The following NXF1 variants were observed in gnomAD, a reference collection of about 807,000 sequenced individuals.
The protein encoded by NXF1 is nuclear RNA export factor 1.
NXF1 carries 43 observed loss-of-function variants against 92.4 expected under a neutral mutation model. The observed-to-expected ratio is 0.47, with a 90% CI of 0.36 to 0.60. NXF1 has a LOEUF of 0.60. Among genes scored for constraint, NXF1 ranks in the 20% least tolerant of loss-of-function variants. The pLI is 0.00. For synonymous variants in NXF1, 288 were observed against 292.2 expected, an observed-to-expected ratio of 0.99 and a Z score of 0.15; for missense variants, 576 against 793.0, an observed-to-expected ratio of 0.73 and a Z score of 3.29.
rs2084371525 is a variant in NXF1 at position 62,792,209 on chromosome 11, T to C, written c.*267A>G. On this transcript the variant is annotated 3_prime_UTR_variant, in exon 21 of 21. Coordinates refer to ENST00000294172, the MANE Select transcript of NXF1 (RefSeq NM_006362.5). The stretch of plus-strand genomic sequence containing the variant: ...TTTATATTAAAAAGTAAGGAGGTCC[T>C]GGGGTTAAGTACACAAAGCACCTAA... 6.2e-6 allele frequency: 4 copies of C among 646,810 alleles called. No individual in the cohort carries two copies. Among genetic ancestry groups the C allele is most frequent in the Non-Finnish European group, 1.1e-5 (4 of 374,072 alleles). 40.1% of individuals were successfully genotyped at this position (646,810 alleles called of 1,614,324 possible).
Position 62,805,433 on chromosome 11 carries a change from AC to A in NXF1, c.-78del. ...ACAACCTAACTCCCAAGCGCTCAGG[AC>A]CGAAGTGTCCCTACGCCGGGCGCCA... On this transcript the variant is annotated 5_prime_UTR_variant, in exon 1 of 21. Coordinates refer to ENST00000294172, the MANE Select transcript of NXF1 (RefSeq NM_006362.5). 6.3e-7 allele frequency: 1 copy of A among 1,596,824 alleles called. No individual in the cohort carries two copies. Among genetic ancestry groups the A allele is most frequent in the South Asian group, 1.1e-5 (1 of 88,432 alleles).
intron 11 of NXF1, 82 bp downstream of exon 11, chr11:62,798,453 AAAAG>A (rs1390227779): frequency 7.1e-6 from 11 of 1,550,690 alleles, no homozygotes; most frequent in Middle Eastern, 1.7e-4. Context: ...AAAAAAAAGA[AAAAG>A]AAAAAGAAAA....
In NXF1 at chr11:62,800,360, C is replaced by T; in HGVS notation, c.1016+17G>A. On this transcript the variant is annotated intron_variant, in intron 10 of 20. Transcript: ENST00000294172. ...GGGTGAAGGTCCCCAGGAGGGGAGA[C>T]ACAGGCTACAACTGACCTGATGTAG... The T allele has an allele frequency of 6.2e-7, 1 of 1,613,926 alleles. No individual in the cohort carries two copies. The highest frequency in any genetic ancestry group is 8.5e-7 in the Non-Finnish European group (1 of 1,179,918).
At chr11:62,794,200 T>C in intron 19 of NXF1, 58 bp downstream of exon 19, 4 of 1,504,476 alleles carry the variant, frequency 2.7e-6, no homozygotes, top group Non-Finnish European at 3.6e-6. Flanking sequence ...GGAGCCCTCA[T>C]TATTTACTAC....
intron 19 of NXF1, among the ~76,000 whole-genome samples, chr11:62,793,819 TAAAAA>T (rs56389050): frequency 1.2e-5 from 1 of 86,524 alleles, no homozygotes; most frequent in Non-Finnish European, 2.2e-5. Context: ...CCGTCTCTAC[TAAAAA>T]AAAAAAAAAA....
At chr11:62,792,736 C>G in intron 19 of NXF1, 35 bp from the exon 20 acceptor site, 1 of 1,609,932 alleles carries the variant, frequency 6.2e-7, no homozygotes, top group Non-Finnish European at 8.5e-7. Flanking sequence ...TGTAAGAACT[C>G]TGACTCGTAA....
At chr11:62,796,806 C>A (rs1227087733) in intron 13 of NXF1, 1 of 552,336 alleles carries the variant, frequency 1.8e-6, no homozygotes, top group South Asian at 2.1e-5. Context: ...CGGTGGCTCA[C>A]GCCTCTAATC....
intron 10 of NXF1, chr11:62,799,286 C>A: frequency 2.0e-6 from 2 of 985,664 alleles, no homozygotes; most frequent in Middle Eastern, 5.2e-4. Context: ...TCCCTGTGGT[C>A]CAAGGTAGAA....
intron 10 of NXF1, chr11:62,799,759 G>C: frequency 1.2e-5 from 12 of 985,924 alleles, no homozygotes; most frequent in Non-Finnish European, 1.4e-5. Context: ...TCACATCTTG[G>C]GGAACCCAGG....
At chr11:62,802,700 G>A (rs1052123111) in intron 3 of NXF1, among the ~76,000 whole-genome samples, 5 of 152,036 alleles carry the variant, frequency 3.3e-5, no homozygotes, top group Admixed American at 6.6e-5. Context: ...GCCTCTCAAA[G>A]TGCTGGGATT....
At chr11:62,804,396 T>C (rs1197526696) in intron 1 of NXF1, among the ~76,000 whole-genome samples, 2 of 152,202 alleles carry the variant, frequency 1.3e-5, no homozygotes, top group African/African-American at 4.8e-5. Flanking sequence ...AAACTGCCAC[T>C]TTGAAGTTTT....
Position 62,802,335 on chromosome 11 carries a change from T to C in NXF1, c.370-75A>G, listed in dbSNP as rs1023769922. ...AGCAGACCCAATACAATGCCTTTTA[T>C]ACCTTCTACCAAACTTTTAAAGACT... is the stretch of plus-strand genomic sequence containing the variant. On this transcript the variant is annotated intron_variant, in intron 3 of 20. Coordinates refer to ENST00000294172, the MANE Select transcript of NXF1 (RefSeq NM_006362.5). 84 of 1,207,886 alleles carry C rather than the reference T, an allele frequency of 7.0e-5. No homozygotes were observed. In the Admixed American group the frequency reaches 1.6e-3, roughly 22 times the overall value. The allele number at this position is 1,207,886 out of a possible 1,614,324, so 74.8% of individuals were successfully genotyped here. A position where few individuals can be genotyped will look rare whatever the true frequency, so the allele number is the denominator to read the frequency against.
chr11:62,794,800 T>G (rs1161956755), intron 18 of NXF1, 135 bp downstream of exon 18: 1 of 788,772 alleles, frequency 1.3e-6, no homozygotes, highest in African/African-American at 1.7e-5. Flanking sequence ...AACTGGCTCT[T>G]AACTACTATG....
intron 9 of NXF1, among the ~76,000 whole-genome samples, chr11:62,800,755 A>T (rs917839390): frequency 6.6e-6 from 1 of 152,046 alleles, no homozygotes; most frequent in African/African-American, 2.4e-5. Flanking sequence ...GGCATGTGAC[A>T]TCATGCTCGA....
In NXF1 at chr11:62,805,429, C is replaced by A. The variant is rs927003085; in HGVS notation, c.-73G>T. 5.0e-6 allele frequency: 8 copies of A among 1,601,700 alleles called. No homozygotes were observed. The highest frequency in any genetic ancestry group is 3.3e-4 in the Middle Eastern group (2 of 6,056). On this transcript the variant is annotated 5_prime_UTR_variant, in exon 1 of 21. Coordinates refer to ENST00000294172, the MANE Select transcript of NXF1 (RefSeq NM_006362.5). ...GCAAACAACCTAACTCCCAAGCGCT[C>A]AGGACCGAAGTGTCCCTACGCCGGG... is the stretch of plus-strand genomic sequence containing the variant.
rs374649156 is a variant in NXF1, at chr11:62,796,273, T to C, written c.1345+14A>G. ...ATGCCCTTTTCCCATATTTTGTTCG[T>C]ATCACACACTTACTAGGGTCTTTAA... On this transcript the variant is annotated intron_variant, in intron 15 of 20. Transcript: ENST00000294172. 6 of 1,613,950 alleles carry C rather than the reference T, an allele frequency of 3.7e-6. No individual in the cohort carries two copies. Among genetic ancestry groups the C allele is most frequent in the Non-Finnish European group, 5.1e-6 (6 of 1,179,942 alleles).
chr11:62,805,066 A>G (rs897078206), intron 1 of NXF1: 7 of 354,942 alleles, frequency 2.0e-5, no homozygotes, highest in Admixed American at 9.6e-5. Context: ...ACAGGCATCA[A>G]CCACCCACAA....
chr11:62,795,668 G>A (rs1296716785), intron 17 of NXF1, among the ~76,000 whole-genome samples: 4 of 152,110 alleles, frequency 2.6e-5, no homozygotes, highest in Non-Finnish European at 4.4e-5. Flanking sequence ...CCAAAACTAG[G>A]ATGGAAACTA....
At chr11:62,792,754 C>T in intron 19 of NXF1, 53 bp from the exon 20 acceptor site, 1 of 1,585,668 alleles carries the variant, frequency 6.3e-7, no homozygotes, top group Non-Finnish European at 8.7e-7. Context: ...TAAATGCCAG[C>T]TGAAAGTCCA....
Sources: gnomAD v4.1 joint callset for allele counts (sites outside exome capture counted in the v4.1 genomes callset) on GRCh38, gnomAD v4.1.1 for gene constraint, MANE v1.5 for transcripts, NCBI Gene and HGNC (gene_info 2026-07-23, HGNC 2026-07-21) for gene names.